RYR2: variants seen among roughly 807,000 people sequenced by gnomAD.
RYR2 encodes ryanodine receptor 2, also known as cardiac muscle ryanodine receptor-calcium release channel.
In RYR2, 227 loss-of-function variants were observed where a neutral mutation model predicts 601.1. The observed-to-expected ratio is 0.38, with a 90% confidence interval of 0.34 to 0.42. The LOEUF (loss-of-function observed/expected upper bound fraction) is 0.42. Among genes scored for constraint, RYR2 ranks in the 10% least tolerant of loss-of-function variants. The pLI is 1.00. For synonymous variants in RYR2, 2,223 were observed against 2,175.1 expected (o/e 1.02, Z -0.61); for missense variants, 4,646 against 6,156.5 (o/e 0.75, Z 8.21).
At chr1:237,165,230 G>A (rs1676566900) in intron 1 of RYR2, among the ~76,000 whole-genome samples, 1 of 152,066 alleles carries the variant, frequency 6.6e-6, no homozygotes, top group Admixed American at 6.5e-5. Context: ...GCAGGAACAA[G>A]AGTGAGGTAA....
chr1:237,730,431 A>C (rs1366292701), intron 77 of RYR2, 75 bp downstream of exon 77: 1 of 769,666 alleles, frequency 1.3e-6, no homozygotes, highest in South Asian at 1.6e-5. Flanking sequence ...AGCAGTCATT[A>C]TATAACATTG....
At chr1:237,147,747 T>C (rs1243259706) in intron 1 of RYR2, among the ~76,000 whole-genome samples, 5 of 152,220 alleles carry the variant, frequency 3.3e-5, no homozygotes, top group African/African-American at 1.2e-4. Context: ...TGAATGTTTG[T>C]TGAACTGAAT....
At chr1:237,268,935 CA>C (rs1160004017) in intron 1 of RYR2, among the ~76,000 whole-genome samples, 1,173 of 16,074 alleles carry the variant, frequency 0.073, 4 homozygotes, top group African/African-American at 0.16. Context: ...ACTCTTGTCT[CA>C]AAAAAAAAAA....
At chr1:237,113,915 C>A (rs1307768882) in intron 1 of RYR2, among the ~76,000 whole-genome samples, 1 of 152,192 alleles carries the variant, frequency 6.6e-6, no homozygotes, top group South Asian at 2.1e-4. Context: ...GAACTCAGCA[C>A]GGACCCTGCT....
rs1466551672 is a variant in RYR2 at position 237,607,147 on chromosome 1, T to C, written c.4684-3615T>C. Reference sequence around the variant, plus strand: ...CACGTATGTTTATTGTGGCATTATTTACAATATCAAAGACTTGGAACCAAC... The same window carrying C: ...CACGTATGTTTATTGTGGCATTATTCACAATATCAAAGACTTGGAACCAAC... On this transcript the variant is annotated intron_variant, in intron 35 of 104. Coordinates refer to ENST00000366574, the MANE Select transcript of RYR2 (RefSeq NM_001035.3). Among the ~76,000 whole-genome samples the C allele has an allele frequency of 2.0e-5, 3 of 152,178 alleles. 1 individual carries two copies. The highest frequency in any genetic ancestry group is 4.8e-5 in the African/African-American group (2 of 41,430).
chr1:237,519,476 C>T lies in RYR2; in HGVS notation c.2822+7685C>T, dbSNP rs539276136. 2.0e-5 allele frequency among the ~76,000 whole-genome samples: 3 copies of T among 152,186 alleles called. No homozygotes were observed. In the South Asian group the frequency reaches 6.2e-4, roughly 32 times the overall value. ...TTGTACATGGTGAGAGATAGGGGAC[C>T]AGTTTTACTCTTCTGCATATGGCCA... is the stretch of plus-strand genomic sequence containing the variant. On this transcript the variant is annotated intron_variant, in intron 24 of 104. Coordinates refer to ENST00000366574, the MANE Select transcript of RYR2 (RefSeq NM_001035.3).
At chr1:237,666,625 T>G in intron 57 of RYR2, 36 bp downstream of exon 57, 1 of 1,519,506 alleles carries the variant, frequency 6.6e-7, no homozygotes, top group Non-Finnish European at 9.0e-7. Context: ...AGTCTCCAAA[T>G]TTAATTTTTA....
intron 80 of RYR2, among the ~76,000 whole-genome samples, chr1:237,752,083 C>T (rs926869361): frequency 6.6e-6 from 1 of 152,100 alleles, no homozygotes; most frequent in African/African-American, 2.4e-5. Flanking sequence ...TTCTTGAATA[C>T]CTATTATTTT....
intron 1 of RYR2, among the ~76,000 whole-genome samples, chr1:237,149,788 G>T (rs542939676): frequency 1.3e-5 from 2 of 151,550 alleles, no homozygotes; most frequent in African/African-American, 2.4e-5. Flanking sequence ...CATGTGAAAT[G>T]AAGTCCGAGC....
intron 1 of RYR2, among the ~76,000 whole-genome samples, chr1:237,153,578 T>C (rs1674976609): frequency 6.6e-6 from 1 of 150,882 alleles, no homozygotes; most frequent in African/African-American, 2.4e-5. Flanking sequence ...ATAGATAGTC[T>C]GGGGGATGTG....
intron 19 of RYR2, among the ~76,000 whole-genome samples, chr1:237,493,548 G>C (rs1663656228): frequency 6.6e-6 from 1 of 152,124 alleles, no homozygotes; most frequent in South Asian, 2.1e-4. Context: ...CACCTCCCGG[G>C]TTCAGGCCAT....
intron 4 of RYR2, among the ~76,000 whole-genome samples, chr1:237,363,703 T>C (rs1486078226): frequency 6.6e-6 from 1 of 152,120 alleles, no homozygotes; most frequent in East Asian, 1.9e-4. Flanking sequence ...AATTTGCATA[T>C]GCACACACAT....
At chr1:237,088,855 G>A (rs1370246570) in intron 1 of RYR2, among the ~76,000 whole-genome samples, 1 of 152,174 alleles carries the variant, frequency 6.6e-6, no homozygotes, top group African/African-American at 2.4e-5. Flanking sequence ...CTTCAAAAGA[G>A]GCAAGGACAG....
intron 35 of RYR2, among the ~76,000 whole-genome samples, chr1:237,603,783 TAAAAC>T (rs956940602): frequency 6.6e-6 from 1 of 152,130 alleles, no homozygotes; most frequent in Admixed American, 6.5e-5. Context: ...TAGTCTCTGA[TAAAAC>T]AGACTTTAAA....
chr1:237,340,269 C>G (rs1403779006), intron 3 of RYR2, among the ~76,000 whole-genome samples: 2 of 152,186 alleles, frequency 1.3e-5, no homozygotes, highest in African/African-American at 2.4e-5. Context: ...CTCCACCTGT[C>G]TCATTCGTAC....
chr1:237,734,711 T>A (rs1690987928), intron 79 of RYR2, among the ~76,000 whole-genome samples: 1 of 152,220 alleles, frequency 6.6e-6, no homozygotes, highest in African/African-American at 2.4e-5. Context: ...GGGTACCATG[T>A]ACTGAGATGG....
intron 1 of RYR2, among the ~76,000 whole-genome samples, chr1:237,240,665 C>CA (rs35984919): frequency 0.25 from 13,779 of 54,956 alleles, 1,616 homozygotes; most frequent in East Asian, 0.33. Context: ...CTATAAAAGC[C>CA]AAAAAAAAAA....
intron 19 of RYR2, among the ~76,000 whole-genome samples, chr1:237,494,363 A>G (rs1373497150): frequency 6.6e-6 from 1 of 152,176 alleles, no homozygotes; most frequent in Non-Finnish European, 1.5e-5. Context: ...TCAAGGGCAG[A>G]AAGCACCCAG....
rs746043055 is a variant in RYR2, at chr1:237,582,419, T to TAA, written c.3599-7358_3599-7357dup. ...GCCATTGTGCCTGGCTAGCATTCTTTAAAAAAAAAAAAAAAAATCAACTTT... is the reference window on the plus strand; with the variant it reads ...GCCATTGTGCCTGGCTAGCATTCTTTAAAAAAAAAAAAAAAAAAATCAACTTT... On this transcript the variant is annotated intron_variant, in intron 29 of 104. Coordinates refer to ENST00000366574, the MANE Select transcript of RYR2 (RefSeq NM_001035.3). Among the ~76,000 whole-genome samples, 64 of 140,696 alleles carry TAA rather than the reference T, an allele frequency of 4.5e-4. No homozygotes were observed. In the South Asian group the frequency reaches 4.7e-3, roughly 10 times the overall value. 92.3% of individuals were successfully genotyped at this position (140,696 alleles called of 152,430 possible).
Sources: gnomAD v4.1 joint callset for allele counts (sites outside exome capture counted in the v4.1 genomes callset) on GRCh38, gnomAD v4.1.1 for gene constraint, MANE v1.5 for transcripts, NCBI Gene and HGNC (gene_info 2026-07-23, HGNC 2026-07-21) for gene names.